GRID2IP: variants seen among roughly 807,000 people sequenced by gnomAD.
GRID2IP encodes the protein Grid2 interacting protein, also known as delphilin.
Under a neutral mutation model 114.3 loss-of-function variants are expected in GRID2IP, and 78 were observed. The observed-to-expected ratio is 0.68, with a 90% CI of 0.57 to 0.82. The LOEUF is 0.82. GRID2IP is among the 40% of genes least tolerant of loss of function. The probability of loss-of-function intolerance (pLI) is 0.00; values close to 1 mark genes in which losing one functional copy is unlikely to be tolerated. For synonymous variants in GRID2IP, 809 were observed against 724.0 expected (o/e 1.12, Z -1.89); for missense variants, 1,727 against 1,678.5 (o/e 1.03, Z -0.51).
chr7:6,518,063 T>TAA (rs759501165), intron 7 of GRID2IP, among the ~76,000 whole-genome samples: 2 of 134,024 alleles, frequency 1.5e-5, no homozygotes, highest in African/African-American at 5.5e-5. Context: ...CTGTCTCTAC[T>TAA]AAAAAAAAAA....
At chr7:6,498,273 C>A in intron 20 of GRID2IP, 45 bp from the exon 21 acceptor site, 1 of 1,495,610 alleles carries the variant, frequency 6.7e-7, no homozygotes, top group Non-Finnish European at 8.9e-7. Context: ...CTTGTGCCCC[C>A]AGGGTCTCAG....
chr7:6,521,636 G>T lies in GRID2IP; in HGVS notation c.990-113C>A. ...GGTCACACAGCAAGACCACCTCTGTGTGACTCTGTGTCCCCAGCATGGAGC... is the reference window on the plus strand; with the variant it reads ...GGTCACACAGCAAGACCACCTCTGTTTGACTCTGTGTCCCCAGCATGGAGC... On this transcript the variant is annotated intron_variant, in intron 5 of 21. Coordinates refer to ENST00000457091, the MANE Select transcript of GRID2IP (RefSeq NM_001145118.2). The surrounding 1 kb of genome is among the most constrained non-coding windows in gnomAD (Gnocchi z 4.1). 1 of 738,940 alleles carries T rather than the reference G, an allele frequency of 1.4e-6. No homozygotes were observed. The highest frequency in any genetic ancestry group is 2.2e-6 in the Non-Finnish European group (1 of 445,942). 45.8% of individuals were successfully genotyped at this position (738,940 alleles called of 1,614,324 possible).
chr7:6,514,891 G>T (rs1363167472), intron 7 of GRID2IP, among the ~76,000 whole-genome samples: 2 of 150,924 alleles, frequency 1.3e-5, no homozygotes, highest in African/African-American at 4.9e-5. Flanking sequence ...AGTGGAGGTT[G>T]CAGTGAGCTG....
chr7:6,510,423 C>T (rs1786741724), intron 10 of GRID2IP, 23 bp from the exon 11 acceptor site: 3 of 1,478,032 alleles, frequency 2.0e-6, no homozygotes, highest in Non-Finnish European at 9.1e-7. Context: ...GGGGGAGAGT[C>T]CAGCCCATTC....
chr7:6,521,359 A>T lies in GRID2IP; in HGVS notation c.1084+70T>A. On this transcript the variant is annotated intron_variant, in intron 6 of 21. Transcript: ENST00000457091. This position sits in a 1 kb window ranked among gnomAD's most constrained non-coding sequence, Gnocchi z 4.1. ...GAAGAGCTGAGTCCTCCGCACTGTG[A>T]CTCTCACATATAGCAGCCTGGGCAG... is the stretch of plus-strand genomic sequence containing the variant. The T allele has an allele frequency of 8.9e-7, 1 of 1,119,678 alleles. No homozygotes were observed. Among genetic ancestry groups the T allele is most frequent in the Non-Finnish European group, 1.3e-6 (1 of 786,168 alleles). The allele number at this position is 1,119,678 out of a possible 1,614,324, so 69.4% of individuals were successfully genotyped here. A position where few individuals can be genotyped will look rare whatever the true frequency, so the allele number is the denominator to read the frequency against.
intron 15 of GRID2IP, 116 bp from the exon 16 acceptor site, chr7:6,503,803 G>T: frequency 1.5e-6 from 1 of 686,070 alleles, no homozygotes; most frequent in Non-Finnish European, 2.3e-6. Context: ...GGGGCCTAGG[G>T]GAGAGGACGG....
chr7:6,543,285 T>C (rs1562525703), intron 1 of GRID2IP, among the ~76,000 whole-genome samples: 1 of 151,916 alleles, frequency 6.6e-6, no homozygotes, highest in Non-Finnish European at 1.5e-5. Context: ...TAATCCCAGT[T>C]ACTCGGGAGG....
chr7:6,502,647 TG>T (rs1786451013), intron 18 of GRID2IP, 138 bp downstream of exon 18: 1 of 414,818 alleles, frequency 2.4e-6, no homozygotes. Flanking sequence ...GGCTTCAATG[TG>T]GCCCTTTTCC....
chr7:6,514,623 G>GAA, intron 7 of GRID2IP, 94 bp from the exon 8 acceptor site: 1 of 1,176,270 alleles, frequency 8.5e-7, no homozygotes, highest in Non-Finnish European at 1.1e-6. Flanking sequence ...CCAAGCCACA[G>GAA]CGTCTGCCCT....
rs77344965 is a variant in GRID2IP at position 6,537,861 on chromosome 7, G to A, written c.584+1857C>T. Reference sequence around the variant, plus strand: ...CGAGACTCCGATTCAAAAAAGCTTCGAGCAAAACAGAGCGGAAGAGCAGAA... The same window carrying A: ...CGAGACTCCGATTCAAAAAAGCTTCAAGCAAAACAGAGCGGAAGAGCAGAA... On this transcript the variant is annotated intron_variant, in intron 2 of 21. Transcript: ENST00000457091. Among the ~76,000 whole-genome samples the A allele has an allele frequency of 1.2e-3, 182 of 151,626 alleles. 1 individual carries two copies. The highest frequency in any genetic ancestry group is 4.3e-3 in the African/African-American group (176 of 41,336).
chr7:6,498,057 G>A lies in GRID2IP; in HGVS notation c.3564+7C>T, dbSNP rs776765260. Reference sequence around the variant, plus strand: ...AAAGGGCCCCTCAGGGCTCCAGCGAGGCTCACCTCGAATTTGCTCATGAAC... The same window carrying A: ...AAAGGGCCCCTCAGGGCTCCAGCGAAGCTCACCTCGAATTTGCTCATGAAC... On this transcript the variant is annotated splice_region_variant and intron_variant, in intron 21 of 21. Transcript: ENST00000457091. 4.1e-5 allele frequency: 64 copies of A among 1,543,404 alleles called. No homozygotes were observed. Among genetic ancestry groups the A allele is most frequent in the Non-Finnish European group, 4.8e-5 (55 of 1,143,358 alleles).
In GRID2IP at chr7:6,534,605, T is replaced by C. The variant is rs1779692939; in HGVS notation, c.584+5113A>G. On this transcript the variant is annotated intron_variant, in intron 2 of 21. Transcript: ENST00000457091. This position sits in a 1 kb window ranked among gnomAD's most constrained non-coding sequence, Gnocchi z 4.5. ...CAAGGTCTACATCCGCCTGGTCCTG[T>C]ACGGTAGCCGCTAGCCATATGTCAC... 6.6e-6 allele frequency among the ~76,000 whole-genome samples: 1 copy of C among 152,238 alleles called. No individual in the cohort carries two copies. The highest frequency in any genetic ancestry group is 1.5e-5 in the Non-Finnish European group (1 of 68,050).
Position 6,521,576 on chromosome 7 carries a change from G to C in GRID2IP, c.990-53C>G, listed in dbSNP as rs903428644. Reference sequence around the variant, plus strand: ...CCTGACTGGGGTGAGCCCTGTCCACGGCCACCAGCCAGACCTCCCTGTCCT... The same window carrying C: ...CCTGACTGGGGTGAGCCCTGTCCACCGCCACCAGCCAGACCTCCCTGTCCT... On this transcript the variant is annotated intron_variant, in intron 5 of 21. Transcript: ENST00000457091. The surrounding 1 kb of genome is among the most constrained non-coding windows in gnomAD (Gnocchi z 4.1). The C allele has an allele frequency of 2.2e-6, 3 of 1,350,402 alleles. No individual in the cohort carries two copies. The highest frequency in any genetic ancestry group is 2.3e-5 in the Admixed American group (1 of 43,514). The allele number at this position is 1,350,402 out of a possible 1,614,324, so 83.7% of individuals were successfully genotyped here.
chr7:6,510,462 C>T, intron 10 of GRID2IP, 62 bp from the exon 11 acceptor site: 1 of 1,394,798 alleles, frequency 7.2e-7, no homozygotes, highest in South Asian at 1.5e-5. Flanking sequence ...TAATGTGGTC[C>T]AGGCCTGGGT....
Position 6,526,538 on chromosome 7 carries a change from G to A in GRID2IP, c.816C>T (p.Gly272=). Residue 272 remains glycine, a synonymous_variant, in exon 3 of 22, where the codon GGC becomes GGT. Transcript: ENST00000457091. The surrounding 1 kb of genome is among the most constrained non-coding windows in gnomAD (Gnocchi z 7.6). ...CCGCGTACCTGCGCGCGCCCCCGGG[G>A]CCGGCGAGGCCGCCCACCAGCAAGG... The part of the protein sequence containing the change: ...RASLLVGGLA[G]PGGARRTVRV... 1 of 1,226,910 alleles carries A rather than the reference G, an allele frequency of 8.2e-7. No homozygotes were observed. The highest frequency in any genetic ancestry group is 3.3e-5 in the East Asian group (1 of 30,330). The allele number at this position is 1,226,910 out of a possible 1,614,324, so 76.0% of individuals were successfully genotyped here.
intron 4 of GRID2IP, among the ~76,000 whole-genome samples, chr7:6,522,344 C>T (rs1779428119): frequency 6.6e-6 from 1 of 152,070 alleles, no homozygotes. Flanking sequence ...ACAGCATGGA[C>T]CCCCAGTGCT....
At chr7:6,525,898 C>T (rs11761113) in intron 4 of GRID2IP, among the ~76,000 whole-genome samples, 57,782 of 151,992 alleles carry the variant, frequency 0.38, 14,075 homozygotes, top group Non-Finnish European at 0.55. Flanking sequence ...GACAGTGCCC[C>T]GGCCCTCCCT....
At chr7:6,504,214 T>C (rs1157811903) in intron 15 of GRID2IP, among the ~76,000 whole-genome samples, 4 of 141,532 alleles carry the variant, frequency 2.8e-5, no homozygotes, top group African/African-American at 1.1e-4. Context: ...CCGGGGCTAC[T>C]GTGAGGAGCC....
chr7:6,550,027 G>C (rs529110203), intron 1 of GRID2IP, among the ~76,000 whole-genome samples: 1 of 137,826 alleles, frequency 7.3e-6, no homozygotes, highest in East Asian at 2.0e-4. Flanking sequence ...GTCTCACTCC[G>C]TTACCCAGGC....
Sources: gnomAD v4.1 joint callset for allele counts (sites outside exome capture counted in the v4.1 genomes callset) on GRCh38, gnomAD v4.1.1 for gene constraint, Gnocchi (gnomAD v3.1) non-coding constraint, MANE v1.5 for transcripts, NCBI Gene and HGNC (gene_info 2026-07-23, HGNC 2026-07-21) for gene names.